Variants in TRAF5 observed in about 807,000 individuals in gnomAD.
TRAF5 encodes the protein TNF receptor-associated factor 5.
Under a neutral mutation model 64.5 loss-of-function variants are expected in TRAF5, and 48 were observed. The observed-to-expected ratio is 0.74, with a 90% CI of 0.59 to 0.95. TRAF5 has a LOEUF of 0.95. Ranked by LOEUF, TRAF5 falls within the 40% of genes least tolerant of loss-of-function variation. TRAF5 has a pLI of 0.00. For synonymous variants in TRAF5, 206 were observed against 240.5 expected (o/e 0.86, Z 1.33); for missense variants, 545 against 662.8 (o/e 0.82, Z 1.95).
chr1:211,336,643 C>T (rs1468372329), intron 1 of TRAF5, among the ~76,000 whole-genome samples: 4 of 152,210 alleles, frequency 2.6e-5, no homozygotes, highest in Non-Finnish European at 2.9e-5. Flanking sequence ...GTCATGTGCA[C>T]TGTTTTGTTT....
intron 8 of TRAF5, among the ~76,000 whole-genome samples, chr1:211,367,614 G>A (rs75454084): frequency 0.04 from 6,084 of 152,286 alleles, 161 homozygotes; most frequent in Middle Eastern, 0.13. Flanking sequence ...TAAATGACAT[G>A]CAGAAAGCTG....
intron 9 of TRAF5, 127 bp from the exon 10 acceptor site, chr1:211,371,175 G>C: frequency 1.1e-6 from 1 of 887,028 alleles, no homozygotes; most frequent in Non-Finnish European, 1.7e-6. Context: ...TATTTTCTGG[G>C]CTTGTATTTT....
chr1:211,361,033 T>C, intron 6 of TRAF5, 55 bp from the exon 7 acceptor site: 1 of 1,566,226 alleles, frequency 6.4e-7, no homozygotes, highest in Non-Finnish European at 8.8e-7. Flanking sequence ...CCCTGATTGC[T>C]GCAGTTGGAG....
intron 5 of TRAF5, chr1:211,360,303 GTA>G: frequency 1.8e-6 from 1 of 543,880 alleles, no homozygotes; most frequent in Non-Finnish European, 3.3e-6. Context: ...CACATGCTGT[GTA>G]TGTGTAATGA....
intron 1 of TRAF5, among the ~76,000 whole-genome samples, chr1:211,339,518 A>C (rs1449264806): frequency 1.3e-5 from 2 of 152,222 alleles, no homozygotes; most frequent in Non-Finnish European, 2.9e-5. Flanking sequence ...AAGTCCTTCC[A>C]GAGCTGACAG....
chr1:211,335,842 A>G (rs1057361718), intron 1 of TRAF5, among the ~76,000 whole-genome samples: 1 of 152,206 alleles, frequency 6.6e-6, no homozygotes, highest in Admixed American at 6.5e-5. Context: ...GGTGGAGGAC[A>G]GGTGGGGAGA....
Position 211,369,605 on chromosome 1 carries a change from C to T in TRAF5, c.930+13C>T. On this transcript the variant is annotated intron_variant, in intron 9 of 10. Coordinates refer to ENST00000261464, the MANE Select transcript of TRAF5 (RefSeq NM_001033910.3). ...CCCAAACATCCAGGTAAGAAATGGCCTTTGCGTTGAAAGCCAAGATTTGGC... is the reference window on the plus strand; with the variant it reads ...CCCAAACATCCAGGTAAGAAATGGCTTTTGCGTTGAAAGCCAAGATTTGGC... 1 of 1,557,900 alleles carries T rather than the reference C, an allele frequency of 6.4e-7. No individual in the cohort carries two copies. Among genetic ancestry groups the T allele is most frequent in the Non-Finnish European group, 8.6e-7 (1 of 1,157,350 alleles).
At position 211,374,177 on chromosome 1, in the gene TRAF5, A is replaced by G. The variant is rs1407430303; in HGVS notation, c.*1475A>G. 6.6e-6 allele frequency: 1 copy of G among 152,320 alleles called. No homozygotes were observed. Among genetic ancestry groups the G allele is most frequent in the African/African-American group, 2.4e-5 (1 of 41,448 alleles). The allele number at this position is 152,320 out of a possible 1,614,324, so 9.4% of individuals were successfully genotyped here. A position where few individuals can be genotyped will look rare whatever the true frequency, so the allele number is the denominator to read the frequency against. ...TCTATCTGTATGGGTCTGAAGGTGT[A>G]TATACAAACTGAGATGAGTCCTTAT... On this transcript the variant is annotated 3_prime_UTR_variant, in exon 11 of 11. Transcript: ENST00000261464.
rs186968421 is a variant in TRAF5, at chr1:211,343,412, A to G, written c.-1-9827A>G. On this transcript the variant is annotated intron_variant, in intron 1 of 10. Coordinates refer to ENST00000261464, the MANE Select transcript of TRAF5 (RefSeq NM_001033910.3). ...TAGGCCTCCATTTCCTCATTTTAAA[A>G]AAAGGGGAATAATGATAATATATAT... Among the ~76,000 whole-genome samples the G allele has an allele frequency of 3.8e-3, 586 of 152,240 alleles. 2 individuals are homozygous for G. The highest frequency in any genetic ancestry group is 6.8e-3 in the Middle Eastern group (2 of 294).
Position 211,372,591 on chromosome 1 carries a change from TC to T in TRAF5, c.1567del (p.Arg523AlafsTer23), listed in dbSNP as rs770719046. 1.2e-6 allele frequency: 2 copies of T among 1,614,182 alleles called. No individual in the cohort carries two copies. Among genetic ancestry groups the T allele is most frequent in the Admixed American group, 1.7e-5 (1 of 60,012 alleles). The stretch of plus-strand genomic sequence containing the variant: ...GGGAGATGAACATTGCATCTGGCTG[TC>T]CCCGCTTTGTGGCTCATTCTGTTTT... ...DGEMNIASGC[P>X]RFVAHSVLEN... On this transcript the variant is annotated frameshift_variant, in exon 11 of 11. Coordinates refer to ENST00000261464, the MANE Select transcript of TRAF5 (RefSeq NM_001033910.3). LOFTEE classifies it high-confidence loss of function.
At chr1:211,340,575 A>G (rs894884428) in intron 1 of TRAF5, among the ~76,000 whole-genome samples, 11 of 152,254 alleles carry the variant, frequency 7.2e-5, no homozygotes, top group Middle Eastern at 3.4e-3. Flanking sequence ...AGCTGTTGGG[A>G]AAAAGCTGAG....
chr1:211,366,074 A>C (rs949294092), intron 8 of TRAF5, among the ~76,000 whole-genome samples: 10 of 152,238 alleles, frequency 6.6e-5, no homozygotes, highest in Admixed American at 1.3e-4. Flanking sequence ...TATTAACCTC[A>C]ATAAATGCTG....
chr1:211,350,279 A>G (rs974917592), intron 1 of TRAF5, among the ~76,000 whole-genome samples: 1 of 142,610 alleles, frequency 7.0e-6, no homozygotes, highest in Non-Finnish European at 1.5e-5. Flanking sequence ...CAGTGGCATA[A>G]TCATGACTCG....
chr1:211,335,942 G>A (rs1269681099), intron 1 of TRAF5, among the ~76,000 whole-genome samples: 1 of 152,142 alleles, frequency 6.6e-6, no homozygotes, highest in Non-Finnish European at 1.5e-5. Flanking sequence ...CAGGTGTGGT[G>A]GCAGGAAGTA....
chr1:211,347,668 CTG>C (rs1326291690), intron 1 of TRAF5, among the ~76,000 whole-genome samples: 1 of 152,216 alleles, frequency 6.6e-6, no homozygotes, highest in African/African-American at 2.4e-5. Context: ...AGCAAGGAGA[CTG>C]TGAGAGTCAC....
Position 211,372,393 on chromosome 1 carries a change from G to A in TRAF5, c.1365G>A (p.Arg455=). The A allele has an allele frequency of 6.2e-7, 1 of 1,614,122 alleles. No homozygotes were observed. The highest frequency in any genetic ancestry group is 8.5e-7 in the Non-Finnish European group (1 of 1,180,030). ...RAYLNGDGSG[R]GSHLSLYFVV... is the part of the protein sequence containing the mutation. ...ACCTGAATGGGGATGGGTCAGGGAG[G>A]GGGTCACACCTGTCCCTATACTTTG... Residue 455 remains arginine (R), a synonymous_variant, in exon 11 of 11, where the codon AGG becomes AGA. Coordinates refer to ENST00000261464, the MANE Select transcript of TRAF5 (RefSeq NM_001033910.3).
chr1:211,330,313 G>T (rs377411709), intron 1 of TRAF5, among the ~76,000 whole-genome samples: 3 of 151,258 alleles, frequency 2.0e-5, no homozygotes. Flanking sequence ...GACACCACAG[G>T]CTCCATCAAC....
At chr1:211,362,967 A>G (rs917560841) in intron 7 of TRAF5, among the ~76,000 whole-genome samples, 1 of 152,208 alleles carries the variant, frequency 6.6e-6, no homozygotes, top group African/African-American at 2.4e-5. Context: ...AATATAGTAT[A>G]TGGGCAGTTC....
intron 1 of TRAF5, among the ~76,000 whole-genome samples, chr1:211,349,503 C>T (rs1269918305): frequency 1.3e-5 from 2 of 152,150 alleles, no homozygotes; most frequent in Non-Finnish European, 2.9e-5. Context: ...GGTCACTGGT[C>T]CCATCCGTGG....
Sources: allele counts gnomAD v4.1 joint callset (sites outside exome capture counted in the v4.1 genomes callset), GRCh38; gene constraint gnomAD v4.1.1; transcripts MANE v1.5; gene names NCBI Gene and HGNC (gene_info 2026-07-23, HGNC 2026-07-21).